The following RPTOR variants were observed in gnomAD, a reference collection of about 807,000 sequenced individuals.
RPTOR encodes the protein regulatory associated protein of MTOR complex 1.
RPTOR carries 21 observed loss-of-function variants against 169.9 expected under a neutral mutation model. The observed-to-expected ratio is 0.12, with a 90% CI of 0.09 to 0.18. The LOEUF is 0.18. RPTOR is among the 10% of genes least tolerant of loss of function. The pLI is 1.00. For synonymous variants in RPTOR, 732 were observed against 753.2 expected (o/e 0.97, Z 0.46); for missense variants, 1,133 against 1,855.9 (o/e 0.61, Z 7.16).
chr17:80,634,746 A>ACTGTGTGTGTGCG (rs2065489146), intron 2 of RPTOR, among the ~76,000 whole-genome samples: 1 of 64,556 alleles, frequency 1.5e-5, no homozygotes, highest in Non-Finnish European at 3.1e-5. Context: ...GTGTGTGTGC[A>ACTGTGTGTGTGCG]TACTGTGTGT....
At position 80,766,165 on chromosome 17, in the gene RPTOR, C is replaced by T. The variant is rs117865361; in HGVS notation, c.830+11980C>T. 1.7e-4 allele frequency among the ~76,000 whole-genome samples: 26 copies of T among 152,226 alleles called. 1 individual carries two copies. In the East Asian group the frequency reaches 3.1e-3, roughly 18 times the overall value. On this transcript the variant is annotated intron_variant, in intron 6 of 33. Coordinates refer to ENST00000306801, the MANE Select transcript of RPTOR (RefSeq NM_020761.3). ...CAACTTCTCGGGCTCAAGCAATCCC[C>T]CCACCTCAGCCCCCCAGGTAACTGG... is the stretch of plus-strand genomic sequence containing the variant.
chr17:80,606,823 G>T (rs1202898734), intron 1 of RPTOR, among the ~76,000 whole-genome samples: 4 of 151,986 alleles, frequency 2.6e-5, no homozygotes, highest in Admixed American at 6.6e-5. Context: ...GTTCTTTTTG[G>T]GGGTGTGAGT....
chr17:80,859,946 G>A (rs916167946), intron 13 of RPTOR, among the ~76,000 whole-genome samples: 1 of 152,036 alleles, frequency 6.6e-6, no homozygotes, highest in Non-Finnish European at 1.5e-5. Context: ...CGCCGGGTCT[G>A]GAGCTCCTTG....
At chr17:80,650,514 G>A (rs2065631990) in intron 3 of RPTOR, among the ~76,000 whole-genome samples, 1 of 152,208 alleles carries the variant, frequency 6.6e-6, no homozygotes, top group South Asian at 2.1e-4. Flanking sequence ...GAGGGGTGGG[G>A]TGGGGAGAGC....
At chr17:80,698,069 G>C (rs1011404474) in intron 3 of RPTOR, among the ~76,000 whole-genome samples, 2 of 146,672 alleles carry the variant, frequency 1.4e-5, no homozygotes, top group Admixed American at 6.8e-5. Flanking sequence ...GATCCCAGAC[G>C]GGTGGGTGCG....
intron 9 of RPTOR, among the ~76,000 whole-genome samples, chr17:80,834,843 G>A (rs2067546390): frequency 6.6e-6 from 1 of 152,120 alleles, no homozygotes; most frequent in African/African-American, 2.4e-5. Flanking sequence ...TGGTCTGCTC[G>A]GCCCACGGCC....
At chr17:80,656,483 C>T (rs563924903) in intron 3 of RPTOR, among the ~76,000 whole-genome samples, 60 of 152,216 alleles carry the variant, frequency 3.9e-4, no homozygotes, top group Non-Finnish European at 7.2e-4. Context: ...CATCTGTCAC[C>T]GTGACTTGGG....
intron 1 of RPTOR, among the ~76,000 whole-genome samples, chr17:80,549,903 G>T (rs187394311): frequency 3.3e-4 from 51 of 152,324 alleles, no homozygotes; most frequent in African/African-American, 1.1e-3. Flanking sequence ...CCACTGACAG[G>T]CATCCTATGT....
chr17:80,959,133 G>T lies in RPTOR; in HGVS notation c.3478-945G>T, dbSNP rs1160720463. Among the ~76,000 whole-genome samples the T allele has an allele frequency of 6.6e-6, 1 of 152,248 alleles. No individual in the cohort carries two copies. Among genetic ancestry groups the T allele is most frequent in the Non-Finnish European group, 1.5e-5 (1 of 68,040 alleles). ...TGGGCAGCAGCAGCCCGAGAACCTG[G>T]CCCAGGCCTTCCCGTGTGGGCAGCC... On this transcript the variant is annotated intron_variant, in intron 29 of 33. Coordinates refer to ENST00000306801, the MANE Select transcript of RPTOR (RefSeq NM_020761.3). This position sits in a 1 kb window ranked among gnomAD's most constrained non-coding sequence, Gnocchi z 6.7.
At chr17:80,744,461 T>G (rs866053015) in intron 5 of RPTOR, among the ~76,000 whole-genome samples, 26 of 82,956 alleles carry the variant, frequency 3.1e-4, no homozygotes, top group South Asian at 6.9e-4. Flanking sequence ...TCCTGGTTAC[T>G]AGCACAGCCC....
chr17:80,704,425 G>A (rs1204755386), intron 3 of RPTOR, among the ~76,000 whole-genome samples: 7 of 152,184 alleles, frequency 4.6e-5, no homozygotes, highest in Non-Finnish European at 4.4e-5. Flanking sequence ...CATCACATCA[G>A]TGATGAATCC....
intron 5 of RPTOR, among the ~76,000 whole-genome samples, chr17:80,745,127 T>A (rs1414496273): frequency 6.6e-6 from 1 of 152,232 alleles, no homozygotes; most frequent in African/African-American, 2.4e-5. Flanking sequence ...CTTTTTGATA[T>A]AGAGGGTGAA....
intron 3 of RPTOR, among the ~76,000 whole-genome samples, chr17:80,648,260 G>A (rs2065612370): frequency 6.6e-6 from 1 of 152,168 alleles, no homozygotes; most frequent in Non-Finnish European, 1.5e-5. Context: ...GGTTTGGGGA[G>A]CAAGGGGGTT....
chr17:80,670,061 C>T (rs755827987), intron 3 of RPTOR, among the ~76,000 whole-genome samples: 2 of 152,164 alleles, frequency 1.3e-5, no homozygotes, highest in African/African-American at 2.4e-5. Context: ...TAGTTTAAAA[C>T]CATTACCCTC....
At chr17:80,883,323 C>G in intron 14 of RPTOR, 96 bp from the exon 15 acceptor site, 1 of 1,053,052 alleles carries the variant, frequency 9.5e-7, no homozygotes, top group South Asian at 1.3e-5. Flanking sequence ...ATGCGCCACG[C>G]GTGTCATGAA....
intron 25 of RPTOR, among the ~76,000 whole-genome samples, chr17:80,942,553 C>T (rs930946664): frequency 3.3e-5 from 5 of 152,066 alleles, no homozygotes; most frequent in Non-Finnish European, 7.4e-5. Context: ...GGCGTAGTGC[C>T]GGGAGTCACT....
At chr17:80,723,489 A>G (rs1381107034) in intron 4 of RPTOR, among the ~76,000 whole-genome samples, 1 of 151,376 alleles carries the variant, frequency 6.6e-6, no homozygotes, top group Non-Finnish European at 1.5e-5. Context: ...GTTATAATCC[A>G]TTATTATTAT....
At chr17:80,561,263 G>GTATATATATATATGTATATATA (rs2084488241) in intron 1 of RPTOR, among the ~76,000 whole-genome samples, 1 of 19,610 alleles carries the variant, frequency 5.1e-5, no homozygotes, top group African/African-American at 9.1e-5. Context: ...ATATATATAT[G>GTATATATATATATGTATATATA]TATATATATA....
chr17:80,802,848 T>C (rs1410105066), intron 7 of RPTOR: 3 of 152,340 alleles, frequency 2.0e-5, no homozygotes, highest in African/African-American at 4.8e-5. Flanking sequence ...TCAGTACCTA[T>C]GGAGGCACAC....
Sources: gnomAD v4.1 joint callset for allele counts (sites outside exome capture counted in the v4.1 genomes callset) on GRCh38, gnomAD v4.1.1 for gene constraint, Gnocchi (gnomAD v3.1) non-coding constraint, MANE v1.5 for transcripts, NCBI Gene and HGNC (gene_info 2026-07-23, HGNC 2026-07-21) for gene names.